ACTMAP: variants seen among roughly 807,000 people sequenced by gnomAD.
The protein encoded by ACTMAP is UPF0692 protein C19orf54.
the ACTMAP span, among the ~76,000 whole-genome samples, chr19:40,745,955 G>A: frequency 3.3e-5 from 5 of 152,210 alleles, no homozygotes; most frequent in East Asian, 1.9e-4. Flanking sequence ...TTATAGGCGT[G>A]AGCCACCGTG....
the ACTMAP span, chr19:40,744,458 A>G: frequency 1.3e-6 from 2 of 1,531,556 alleles, no homozygotes; most frequent in Middle Eastern, 4.6e-4. Flanking sequence ...GGCCCAAAGA[A>G]TGGAATGAGA....
At chr19:40,744,345 T>C in the ACTMAP span, 1 of 1,377,848 alleles carries the variant, frequency 7.3e-7, no homozygotes, top group Non-Finnish European at 9.6e-7. Context: ...CGTGAGTGGC[T>C]TGTCCATGGC....
At chr19:40,746,386 A>AGTTTTT in the ACTMAP span, among the ~76,000 whole-genome samples, 2 of 150,564 alleles carry the variant, frequency 1.3e-5, no homozygotes, top group Non-Finnish European at 3.0e-5. Flanking sequence ...TGCCTGGCTA[A>AGTTTTT]GTTTTTGTTT....
the ACTMAP span, chr19:40,750,240 T>C: frequency 3.0e-4 from 47 of 154,236 alleles, 1 homozygote; most frequent in East Asian, 8.8e-3. Context: ...TTAGGTTCAG[T>C]ACCCCCTCAC....
At chr19:40,742,731 T>C in the ACTMAP span, 37 of 1,611,388 alleles carry the variant, frequency 2.3e-5, no homozygotes, top group African/African-American at 4.1e-4. Context: ...GTCCTCAGTG[T>C]AGCCGAGACT....
the ACTMAP span, chr19:40,743,960 G>T: frequency 6.2e-7 from 1 of 1,614,046 alleles, no homozygotes; most frequent in Non-Finnish European, 8.5e-7. Flanking sequence ...GCTCATGGTT[G>T]AAGTCCTCGT....
chr19:40,746,193 C>T, the ACTMAP span, among the ~76,000 whole-genome samples: 3 of 152,116 alleles, frequency 2.0e-5, no homozygotes, highest in Non-Finnish European at 2.9e-5. Flanking sequence ...TAGTCTGGCC[C>T]TGAGGGATTC....
the ACTMAP span, among the ~76,000 whole-genome samples, chr19:40,743,138 C>T: frequency 2.0e-5 from 3 of 152,062 alleles, no homozygotes; most frequent in African/African-American, 4.8e-5. Flanking sequence ...CCTCCTGACG[C>T]GGACCAACCT....
At chr19:40,745,706 C>A in the ACTMAP span, among the ~76,000 whole-genome samples, 1 of 152,060 alleles carries the variant, frequency 6.6e-6, no homozygotes, top group Non-Finnish European at 1.5e-5. Flanking sequence ...GAGTTTTGCT[C>A]GTTTTGCCCA....
At chr19:40,749,583 C>A in the ACTMAP span, 1 of 1,551,242 alleles carries the variant, frequency 6.4e-7, no homozygotes, top group African/African-American at 1.4e-5. Flanking sequence ...CTTCTCCAGG[C>A]CGAAGACATG....
chr19:40,745,993 T>C, the ACTMAP span, among the ~76,000 whole-genome samples: 6 of 152,234 alleles, frequency 3.9e-5, no homozygotes, highest in Admixed American at 3.9e-4. Flanking sequence ...TTAGTAGAGA[T>C]GAGATCATGC....
At chr19:40,741,371 A>C in the ACTMAP span, 1 of 192,424 alleles carries the variant, frequency 5.2e-6, no homozygotes, top group Non-Finnish European at 1.1e-5. Flanking sequence ...TGAACCTGGG[A>C]AGTGGAGGCT....
the ACTMAP span, chr19:40,742,328 C>A: frequency 1.2e-5 from 14 of 1,175,104 alleles, no homozygotes; most frequent in African/African-American, 2.0e-4. Flanking sequence ...GACTGGAGAC[C>A]CCTGAGACCT....
chr19:40,745,056 C>G, the ACTMAP span: 2 of 1,501,368 alleles, frequency 1.3e-6, no homozygotes, highest in Non-Finnish European at 9.1e-7. Flanking sequence ...TTCTCCAGAT[C>G]AGTCCTTAAG....
the ACTMAP span, chr19:40,745,206 A>T: frequency 2.6e-6 from 4 of 1,551,794 alleles, no homozygotes; most frequent in Non-Finnish European, 3.5e-6. Flanking sequence ...AACCTGAAGC[A>T]GAGCCGTGCT....
chr19:40,749,482 G>C, the ACTMAP span: 1 of 1,510,476 alleles, frequency 6.6e-7, no homozygotes, highest in Non-Finnish European at 8.9e-7. Context: ...AGACCCTACC[G>C]GTCCTTGTGT....
the ACTMAP span, chr19:40,742,852 G>T: frequency 7.4e-7 from 1 of 1,342,554 alleles, no homozygotes; most frequent in Non-Finnish European, 1.0e-6. Flanking sequence ...GCCCTCTCCC[G>T]GCCCTCCAGG....
At chr19:40,747,951 G>A in the ACTMAP span, among the ~76,000 whole-genome samples, 1 of 152,056 alleles carries the variant, frequency 6.6e-6, no homozygotes, top group South Asian at 2.1e-4. Flanking sequence ...ATAGCTAAGG[G>A]GCATTATAGC....
At chr19:40,749,469 T>C in the ACTMAP span, 1 of 1,518,390 alleles carries the variant, frequency 6.6e-7, no homozygotes, top group Non-Finnish European at 8.9e-7. Flanking sequence ...GGGTGGGGCA[T>C]GGAGACCCTA....
Sources: gnomAD v4.1 joint callset for allele counts (sites outside exome capture counted in the v4.1 genomes callset) on GRCh38, gnomAD v4.1.1 for gene constraint, MANE v1.5 for transcripts, NCBI Gene and HGNC (gene_info 2026-07-23, HGNC 2026-07-21) for gene names.